Variants in PLXDC2 observed in about 807,000 individuals in gnomAD.
The protein encoded by PLXDC2 is plexin domain-containing protein 2.
In PLXDC2, 40 loss-of-function variants were observed where a neutral mutation model predicts 68.9. That is an observed-to-expected ratio of 0.58 (90% CI 0.45 to 0.76). The LOEUF (loss-of-function observed/expected upper bound fraction) is 0.76. PLXDC2 is among the 30% of genes least tolerant of loss of function. The pLI, the probability that PLXDC2 is intolerant of heterozygous loss-of-function variation, is 0.00. For synonymous variants in PLXDC2, 243 were observed against 234.2 expected (o/e 1.04, Z -0.34); for missense variants, 644 against 661.9 (o/e 0.97, Z 0.30).
intron 3 of PLXDC2, among the ~76,000 whole-genome samples, chr10:20,059,935 C>A (rs1201514715): frequency 3.3e-5 from 5 of 152,178 alleles, no homozygotes; most frequent in Non-Finnish European, 7.3e-5. Flanking sequence ...ACATATATGC[C>A]TTTCCATATT....
At position 20,020,863 on chromosome 10, in the gene PLXDC2, G is replaced by A. The variant is rs118025406; in HGVS notation, c.324+18877G>A. ...AATGAGGTATTGCATAAGATAAATA[G>A]TGTCCTAAGAGCTCTGACCCAGGTA... On this transcript the variant is annotated intron_variant, in intron 2 of 13. Coordinates refer to ENST00000377252, the MANE Select transcript of PLXDC2 (RefSeq NM_032812.9). Among the ~76,000 whole-genome samples, 1,481 of 152,168 alleles carry A rather than the reference G, an allele frequency of 9.7e-3. 31 individuals are homozygous for A. Among genetic ancestry groups the A allele is most frequent in the Non-Finnish European group, 9.9e-3 (671 of 68,018 alleles).
intron 1 of PLXDC2, among the ~76,000 whole-genome samples, chr10:19,989,179 A>G (rs907966650): frequency 6.6e-6 from 1 of 152,172 alleles, no homozygotes; most frequent in African/African-American, 2.4e-5. Context: ...TACCTGGGAG[A>G]TGCTTAACAA....
chr10:19,863,324 G>A (rs1010628418), intron 1 of PLXDC2, among the ~76,000 whole-genome samples: 1 of 152,188 alleles, frequency 6.6e-6, no homozygotes, highest in African/African-American at 2.4e-5. Context: ...TCTGGGAATT[G>A]TTCAGAAACA....
chr10:20,272,447 AG>A (rs1482823973), intron 13 of PLXDC2, among the ~76,000 whole-genome samples: 4 of 151,938 alleles, frequency 2.6e-5, no homozygotes, highest in Non-Finnish European at 5.9e-5. Flanking sequence ...AAGTCAAAAA[AG>A]GAAAAAAAAA....
intron 12 of PLXDC2, among the ~76,000 whole-genome samples, chr10:20,220,838 C>CTTTTTT (rs4026632): frequency 1.7e-5 from 2 of 116,520 alleles, no homozygotes; most frequent in African/African-American, 6.6e-5. Flanking sequence ...GCTCTTAACA[C>CTTTTTT]TTTTTTTTTT....
chr10:20,082,380 A>G (rs953975418), intron 4 of PLXDC2, among the ~76,000 whole-genome samples: 3 of 152,014 alleles, frequency 2.0e-5, no homozygotes, highest in Admixed American at 6.6e-5. Context: ...GGAGGCCTAT[A>G]CTGTCTTTGC....
intron 4 of PLXDC2, among the ~76,000 whole-genome samples, chr10:20,117,965 C>T (rs1405889566): frequency 6.6e-6 from 1 of 152,244 alleles, no homozygotes; most frequent in Non-Finnish European, 1.5e-5. Context: ...TTTAAAGATA[C>T]TCGATATGTG....
Position 19,817,008 on chromosome 10 carries a change from G to T in PLXDC2, c.-72G>T, listed in dbSNP as rs1404631202. The T allele has an allele frequency of 4.3e-6, 5 of 1,176,216 alleles. No individual in the cohort carries two copies. Among genetic ancestry groups the T allele is most frequent in the Non-Finnish European group, 6.1e-6 (5 of 818,968 alleles). The allele number at this position is 1,176,216 out of a possible 1,614,324, so 72.9% of individuals were successfully genotyped here. On this transcript the variant is annotated 5_prime_UTR_variant, in exon 1 of 14. Transcript: ENST00000377252. Reference sequence around the variant, plus strand: ...GATCCGCAGCGTTTGGCCCGGTCGTGCCTATTGCATCGGGAGCCCCCGAGC... The same window carrying T: ...GATCCGCAGCGTTTGGCCCGGTCGTTCCTATTGCATCGGGAGCCCCCGAGC...
rs574736311 is a variant in PLXDC2, at chr10:19,928,159, G to A, written c.113-73616G>A. On this transcript the variant is annotated intron_variant, in intron 1 of 13. Transcript: ENST00000377252. ...TTATGGCTGAATAGTATTCCATAGT[G>A]TATATATATGACATATTCTTTGTCC... Among the ~76,000 whole-genome samples, 8 of 152,292 alleles carry A rather than the reference G, an allele frequency of 5.3e-5. No individual in the cohort carries two copies. The East Asian group carries it at 1.5e-3, about 29-fold the overall frequency.
chr10:19,823,281 C>T (rs1589484821), intron 1 of PLXDC2, among the ~76,000 whole-genome samples: 2 of 152,204 alleles, frequency 1.3e-5, no homozygotes, highest in East Asian at 3.9e-4. Flanking sequence ...TGTTTCATTT[C>T]ACTGAAGATG....
At chr10:20,124,832 T>C (rs552363340) in intron 4 of PLXDC2, among the ~76,000 whole-genome samples, 24 of 82,206 alleles carry the variant, frequency 2.9e-4, no homozygotes, top group Non-Finnish European at 5.7e-4. Flanking sequence ...TTCACTTCTT[T>C]TGTGGTGGAA....
In PLXDC2 at chr10:20,283,774, CAT is replaced by C. The variant is rs773804463; in HGVS notation, c.*3957_*3958del. 6.6e-6 allele frequency: 1 copy of C among 152,182 alleles called. No homozygotes were observed. The allele number at this position is 152,182 out of a possible 1,614,324, so 9.4% of individuals were successfully genotyped here. ...TCCATTTAGAAGGCACTATCTCAAA[CAT>C]AAATAATTTCATATTTATTTTATCA... On this transcript the variant is annotated 3_prime_UTR_variant, in exon 14 of 14. Transcript: ENST00000377252.
intron 1 of PLXDC2, among the ~76,000 whole-genome samples, chr10:19,866,460 A>C (rs1310457866): frequency 6.6e-6 from 1 of 152,164 alleles, no homozygotes; most frequent in African/African-American, 2.4e-5. Context: ...TCTTTCTCAC[A>C]CTTAAAAGGA....
At chr10:19,869,111 A>C (rs989448572) in intron 1 of PLXDC2, among the ~76,000 whole-genome samples, 1 of 152,000 alleles carries the variant, frequency 6.6e-6, no homozygotes, top group Non-Finnish European at 1.5e-5. Flanking sequence ...TAACTGTGAA[A>C]AGGGGCTTTG....
intron 3 of PLXDC2, among the ~76,000 whole-genome samples, chr10:20,052,964 T>G (rs1835930983): frequency 6.6e-6 from 1 of 152,064 alleles, no homozygotes; most frequent in African/African-American, 2.4e-5. Flanking sequence ...ATTTCCCTCT[T>G]TACCATCACT....
intron 4 of PLXDC2, among the ~76,000 whole-genome samples, chr10:20,142,451 G>C (rs538747116): frequency 6.6e-6 from 1 of 152,202 alleles, no homozygotes; most frequent in South Asian, 2.1e-4. Flanking sequence ...GACCTTGAAA[G>C]CAAGAAGCCA....
intron 1 of PLXDC2, among the ~76,000 whole-genome samples, chr10:19,974,374 T>C (rs1834413459): frequency 6.6e-6 from 1 of 152,214 alleles, no homozygotes; most frequent in Non-Finnish European, 1.5e-5. Flanking sequence ...GAGAGGGCTG[T>C]CAGCCAGTCT....
chr10:20,219,859 A>G (rs1282938233), intron 12 of PLXDC2, among the ~76,000 whole-genome samples: 1 of 152,132 alleles, frequency 6.6e-6, no homozygotes, highest in Non-Finnish European at 1.5e-5. Context: ...TGATCTAGGC[A>G]TGGTTTTGCC....
chr10:20,277,002 G>C (rs927542061), intron 13 of PLXDC2, among the ~76,000 whole-genome samples: 5 of 151,902 alleles, frequency 3.3e-5, no homozygotes, highest in Non-Finnish European at 7.4e-5. Context: ...ACGAGGTCAG[G>C]GGTTCAAGAC....
Sources: gnomAD v4.1 joint callset for allele counts (sites outside exome capture counted in the v4.1 genomes callset) on GRCh38, gnomAD v4.1.1 for gene constraint, MANE v1.5 for transcripts, NCBI Gene and HGNC (gene_info 2026-07-23, HGNC 2026-07-21) for gene names.